The following ARMCX4 variants were observed in gnomAD, a reference collection of about 807,000 sequenced individuals.
The protein encoded by ARMCX4 is armadillo repeat-containing X-linked protein 4.
ARMCX4 carries 3 observed loss-of-function variants against 34.7 expected under a neutral mutation model. The ratio of observed to expected loss-of-function variants is 0.09; its 90% CI spans 0.04 to 0.22. The LOEUF (loss-of-function observed/expected upper bound fraction) is 0.22, where lower values mean the gene tolerates loss of function less well. Among genes scored for constraint, ARMCX4 ranks in the 10% least tolerant of loss-of-function variants. The pLI is 1.00. For missense variants in ARMCX4, 1,448 were observed against 1,720.8 expected, an observed-to-expected ratio of 0.84 and a Z score of 2.81; for synonymous variants, 513 against 632.8, an observed-to-expected ratio of 0.81 and a Z score of 2.84.
intron 4 of ARMCX4, among the ~76,000 whole-genome samples, chrX:101,459,749 C>T (rs1227364552): frequency 8.9e-6 from 1 of 112,605 alleles, no homozygotes; most frequent in Non-Finnish European, 1.9e-5. Flanking sequence ...GCAGAAGTAT[C>T]ACCAGATACT....
At chrX:101,466,793 G>A (rs1478764131) in intron 4 of ARMCX4, among the ~76,000 whole-genome samples, 1 of 112,105 alleles carries the variant, frequency 8.9e-6, no homozygotes, top group African/African-American at 3.2e-5. Context: ...CGTGGTGGTA[G>A]TTACATGACT....
At chrX:101,474,846 C>G (rs1556003899) in intron 4 of ARMCX4, among the ~76,000 whole-genome samples, 1 of 99,777 alleles carries the variant, frequency 1.0e-5, no homozygotes. Context: ...AACCCACAGC[C>G]AATATCATAC....
Position 101,489,351 on chromosome X carries a change from T to C in ARMCX4, c.762T>C (p.Pro254=), listed in dbSNP as rs1456257469. 1 of 1,152,961 alleles carries C rather than the reference T, an allele frequency of 8.7e-7. No homozygotes were observed. Among genetic ancestry groups the C allele is most frequent in the Non-Finnish European group, 1.1e-6 (1 of 871,788 alleles). ...CTAAGACTCAGTCTGAGGCCAGGCC[T>C]GGTGCCACAGTTGATGCTAGGGGAA... ...SVAKTQSEAR[P]GATVDARGNP... The change falls in exon 6 of 6, where the codon CCT becomes CCC. Residue 254 remains proline, a synonymous_variant. Transcript: ENST00000423738.
intron 4 of ARMCX4, among the ~76,000 whole-genome samples, chrX:101,477,054 T>A (rs1356580918): frequency 2.7e-5 from 3 of 110,661 alleles, no homozygotes; most frequent in East Asian, 2.8e-4. Context: ...AAATTGAAAT[T>A]TCAGACAAAA....
At chrX:101,437,285 T>C (rs1297195614) in intron 2 of ARMCX4, among the ~76,000 whole-genome samples, 1 of 111,696 alleles carries the variant, frequency 9.0e-6, no homozygotes, top group Non-Finnish European at 1.9e-5. Flanking sequence ...TGGACCTTTT[T>C]TGGTTGGTAA....
chrX:101,530,614 A>G (rs1015618526), intron 11 of ARMCX4, among the ~76,000 whole-genome samples: 9 of 112,598 alleles, frequency 8.0e-5, no homozygotes, highest in African/African-American at 2.6e-4. Context: ...TCTTATCACA[A>G]TGAAGGCCAG....
At chrX:101,520,289 T>C (rs1934823887) in intron 11 of ARMCX4, among the ~76,000 whole-genome samples, 1 of 112,156 alleles carries the variant, frequency 8.9e-6, no homozygotes, top group Non-Finnish European at 1.9e-5. Context: ...TTTCTTTTTC[T>C]TATCCAATTA....
At position 101,494,788 on chromosome X, in the gene ARMCX4, T is replaced by C; in HGVS notation, c.6199T>C (p.Tyr2067His). The change falls in exon 6 of 6, where the codon TAT becomes CAT. Residue 2067 changes from tyrosine to histidine, a missense_variant. By Grantham distance (83) the Tyr-to-His change is moderately conservative. This residue lies in a region of ARMCX4 where 105 missense variants were observed against 180.2 expected (regional missense o/e 0.58). Transcript: ENST00000423738. ...SVHEIANNAL[Y>H]NSADYSYSHE... ...TCATGAAATAGCCAATAATGCTTTA[T>C]ATAACAGTGCTGATTATTCTTATTC... 8.7e-7 allele frequency: 1 copy of C among 1,154,578 alleles called. No homozygotes were observed. Among genetic ancestry groups the C allele is most frequent in the Non-Finnish European group, 1.1e-6 (1 of 871,424 alleles).
chrX:101,491,719 G>T lies in ARMCX4; in HGVS notation c.3130G>T (p.Ala1044Ser), dbSNP rs782408853. Residue 1044 changes from alanine to serine, a missense_variant, in exon 6 of 6, where the codon GCA (alanine) becomes TCA (serine). By Grantham distance (99) the Ala-to-Ser change is moderately conservative (BLOSUM62 1). This residue lies in a region of ARMCX4 where 1,343 missense variants were observed against 1,540.7 expected (regional missense o/e 0.87). Transcript: ENST00000423738. ...TTCCCAGGGTGAGACCTTGCCTGGG[G>T]CAAGGGACAAGTCTATGTCCACTTC... ...AGSQGETLPGARDKSMSTSEA... is the reference protein window; with the variant it reads ...AGSQGETLPGSRDKSMSTSEA... 12 of 1,156,441 alleles carry T rather than the reference G, an allele frequency of 1.0e-5. No individual in the cohort carries two copies. Among genetic ancestry groups the T allele is most frequent in the Middle Eastern group, 2.3e-4 (1 of 4,305 alleles).
At chrX:101,422,503 G>A (rs563254991) in intron 2 of ARMCX4, among the ~76,000 whole-genome samples, 8 of 110,964 alleles carry the variant, frequency 7.2e-5, no homozygotes, top group African/African-American at 1.3e-4. Context: ...CTGCTCCATC[G>A]AGTTCAGGGT....
downstream of ARMCX4, among the ~76,000 whole-genome samples, chrX:101,452,752 C>T (rs781894514): frequency 8.2e-5 from 9 of 109,601 alleles, no homozygotes; most frequent in Non-Finnish European, 1.3e-4. Context: ...GATGGGGTTT[C>T]GCTATGTTGG....
chrX:101,436,453 A>G (rs1395214131), intron 2 of ARMCX4, among the ~76,000 whole-genome samples: 1 of 109,949 alleles, frequency 9.1e-6, no homozygotes, highest in Non-Finnish European at 1.9e-5. Context: ...TTTGTCTGTT[A>G]TTGGTGTATA....
intron 2 of ARMCX4, among the ~76,000 whole-genome samples, chrX:101,439,503 C>T (rs1931082562): frequency 9.0e-6 from 1 of 111,341 alleles, no homozygotes; most frequent in African/African-American, 3.3e-5. Context: ...CTCTGTATTT[C>T]CTGAATTTGA....
In ARMCX4 at chrX:101,488,874, C is replaced by T; in HGVS notation, c.285C>T (p.Ala95=). The T allele has an allele frequency of 1.7e-6, 2 of 1,155,802 alleles. No homozygotes were observed. The highest frequency in any genetic ancestry group is 2.3e-6 in the Non-Finnish European group (2 of 872,761). ...AEVETKATAI[A]IHRANSQAKA... ...TAGAGACCAAGGCCACTGCTATAGC[C>T]ATACACAGAGCCAACTCTCAGGCCA... is the stretch of plus-strand genomic sequence containing the variant. Residue 95 remains alanine, a synonymous_variant, in exon 6 of 6, where the codon GCC becomes GCT. Coordinates refer to ENST00000423738, the MANE Select transcript of ARMCX4 (RefSeq NM_001256155.3).
chrX:101,493,312 G>A lies in ARMCX4; in HGVS notation c.4723G>A (p.Gly1575Arg). The A allele has an allele frequency of 8.7e-7, 1 of 1,155,791 alleles. No individual in the cohort carries two copies. Among genetic ancestry groups the A allele is most frequent in the Non-Finnish European group, 1.1e-6 (1 of 872,828 alleles). ...TCAGGCTGGTGGTTGTTCCAAACCTGGATTTGAGGATCAGGCCATTGGAGG... is the reference window on the plus strand; with the variant it reads ...TCAGGCTGGTGGTTGTTCCAAACCTAGATTTGAGGATCAGGCCATTGGAGG... ...VDQAGGCSKP[G>R]FEDQAIGGGF... is the part of the protein sequence containing the mutation. The change falls in exon 6 of 6, where the codon GGA becomes AGA. Residue 1575 changes from glycine (G) to arginine (R), a missense_variant. Around this residue, in one of 2 missense-constraint regions of ARMCX4, gnomAD observed 1,343 missense variants for 1,540.7 expected, o/e 0.87. Coordinates refer to ENST00000423738, the MANE Select transcript of ARMCX4 (RefSeq NM_001256155.3).
chrX:101,446,356 G>A (rs1435519258), downstream of ARMCX4, among the ~76,000 whole-genome samples: 1 of 110,807 alleles, frequency 9.0e-6, no homozygotes, highest in Non-Finnish European at 1.9e-5. Flanking sequence ...AGCTGACTGA[G>A]TAATACATGA....
At chrX:101,450,793 A>G (rs1201078898), downstream of ARMCX4, among the ~76,000 whole-genome samples, 2 of 111,470 alleles carry the variant, frequency 1.8e-5, no homozygotes, top group Non-Finnish European at 3.8e-5. Context: ...GGGTCCTGCC[A>G]GGACAGAGTC....
intron 4 of ARMCX4, among the ~76,000 whole-genome samples, chrX:101,474,864 G>A (rs1214448719): frequency 4.0e-5 from 4 of 100,960 alleles, no homozygotes; most frequent in South Asian, 4.8e-4. Context: ...TACTGAATGG[G>A]CAAAAACTGG....
chrX:101,482,721 G>C (rs1291583652), upstream of ARMCX4, among the ~76,000 whole-genome samples: 1 of 110,376 alleles, frequency 9.1e-6, no homozygotes. Context: ...TTTTATACTA[G>C]AATTGTACTC....
Sources: gnomAD v4.1 joint callset for allele counts (sites outside exome capture counted in the v4.1 genomes callset) on GRCh38, gnomAD v4.1.1 for gene constraint, gnomAD v4.1.1 regional missense constraint, MANE v1.5 for transcripts, NCBI Gene and HGNC (gene_info 2026-07-23, HGNC 2026-07-21) for gene names.